ST6GALNAC3: variants seen among roughly 807,000 people sequenced by gnomAD.
ST6GALNAC3 encodes the protein alpha-N-acetylgalactosaminide alpha-2,6-sialyltransferase 3.
Under a neutral mutation model 32.7 loss-of-function variants are expected in ST6GALNAC3, and 25 were observed. The observed-to-expected ratio is 0.76, with a 90% CI of 0.56 to 1.07. ST6GALNAC3 has a LOEUF of 1.07. Among genes scored for constraint, ST6GALNAC3 ranks in the 50% least tolerant of loss-of-function variants. The pLI is 0.00. For missense variants in ST6GALNAC3, 355 were observed against 382.4 expected (o/e 0.93, Z 0.60); for synonymous variants, 129 against 133.1 (o/e 0.97, Z 0.21).
At chr1:76,604,330 A>G (rs552563791) in intron 3 of ST6GALNAC3, among the ~76,000 whole-genome samples, 2 of 152,220 alleles carry the variant, frequency 1.3e-5, no homozygotes, top group African/African-American at 4.8e-5. Context: ...GAAATTCGTA[A>G]GTAAGCACCT....
chr1:76,136,364 T>A (rs1418869095), intron 1 of ST6GALNAC3, among the ~76,000 whole-genome samples: 1 of 152,222 alleles, frequency 6.6e-6, no homozygotes, highest in African/African-American at 2.4e-5. Context: ...GAACTGCTAA[T>A]GTGTGAGGGT....
At chr1:76,328,697 A>G (rs982000340) in intron 2 of ST6GALNAC3, among the ~76,000 whole-genome samples, 8 of 152,172 alleles carry the variant, frequency 5.3e-5, no homozygotes, top group African/African-American at 1.9e-4. Context: ...CAAATTAAAG[A>G]ACTAGGGGAT....
intron 2 of ST6GALNAC3, among the ~76,000 whole-genome samples, chr1:76,366,288 TGACA>T (rs1264279079): frequency 6.6e-6 from 1 of 152,170 alleles, no homozygotes; most frequent in East Asian, 1.9e-4. Context: ...AAACCTGATC[TGACA>T]GACTCCTGCA....
chr1:76,614,468 C>A (rs1007598153), intron 3 of ST6GALNAC3, among the ~76,000 whole-genome samples: 1 of 151,982 alleles, frequency 6.6e-6, no homozygotes, highest in Non-Finnish European at 1.5e-5. Flanking sequence ...GCCTGTAATC[C>A]CAGCACTTTG....
chr1:76,216,905 A>C (rs1655497259), intron 1 of ST6GALNAC3, among the ~76,000 whole-genome samples: 3 of 152,212 alleles, frequency 2.0e-5, no homozygotes, highest in Admixed American at 2.0e-4. Context: ...TACATAAATT[A>C]CAAATCTTGT....
At chr1:76,531,482 C>T (rs966104160) in intron 3 of ST6GALNAC3, among the ~76,000 whole-genome samples, 2 of 152,066 alleles carry the variant, frequency 1.3e-5, no homozygotes, top group African/African-American at 4.8e-5. Flanking sequence ...GATTGGACTG[C>T]CTGGTTGTAT....
At chr1:76,345,497 A>C (rs180750550) in intron 2 of ST6GALNAC3, among the ~76,000 whole-genome samples, 101 of 152,216 alleles carry the variant, frequency 6.6e-4, no homozygotes, top group African/African-American at 2.4e-3. Context: ...TACCCACTGA[A>C]AAGATGTTCA....
intron 3 of ST6GALNAC3, among the ~76,000 whole-genome samples, chr1:76,520,723 C>T (rs1662476124): frequency 6.6e-6 from 1 of 152,004 alleles, no homozygotes. Flanking sequence ...TGGACGGACA[C>T]CTTATCACTG....
At chr1:76,532,357 A>C (rs1489102633) in intron 3 of ST6GALNAC3, among the ~76,000 whole-genome samples, 3 of 152,166 alleles carry the variant, frequency 2.0e-5, no homozygotes, top group Admixed American at 2.0e-4. Flanking sequence ...TGAAACATGC[A>C]TTTACAAATG....
intron 1 of ST6GALNAC3, among the ~76,000 whole-genome samples, chr1:76,264,619 TAGG>T (rs958920722): frequency 6.6e-6 from 1 of 152,164 alleles, no homozygotes; most frequent in African/African-American, 2.4e-5. Flanking sequence ...AGTAGCTCAG[TAGG>T]AGGAGGGAAG....
chr1:76,521,608 T>C (rs965145842), intron 3 of ST6GALNAC3, among the ~76,000 whole-genome samples: 1 of 152,210 alleles, frequency 6.6e-6, no homozygotes, highest in African/African-American at 2.4e-5. Flanking sequence ...TGATTGATTA[T>C]GTTATTTATG....
intron 1 of ST6GALNAC3, among the ~76,000 whole-genome samples, chr1:76,117,935 T>TTATAGTAAATA (rs1474116111): frequency 6.6e-6 from 1 of 152,214 alleles, no homozygotes; most frequent in Non-Finnish European, 1.5e-5. Flanking sequence ...GTGGGACTAT[T>TTATAGTAAATA]ATGATTTAGT....
intron 3 of ST6GALNAC3, among the ~76,000 whole-genome samples, chr1:76,448,364 A>G (rs932039939): frequency 6.6e-6 from 1 of 152,172 alleles, no homozygotes; most frequent in Non-Finnish European, 1.5e-5. Context: ...GGCAGAAGGG[A>G]CTTGTCTTGT....
chr1:76,540,535 T>C (rs1215589808), intron 3 of ST6GALNAC3, among the ~76,000 whole-genome samples: 7 of 152,166 alleles, frequency 4.6e-5, no homozygotes, highest in Non-Finnish European at 1.0e-4. Flanking sequence ...AATTTAATTT[T>C]GGGGAGTACC....
At chr1:76,271,160 A>G (rs1658823082) in intron 1 of ST6GALNAC3, among the ~76,000 whole-genome samples, 1 of 152,138 alleles carries the variant, frequency 6.6e-6, no homozygotes, top group African/African-American at 2.4e-5. Flanking sequence ...TGTCTTTGTG[A>G]GCTGCCTTTA....
At chr1:76,162,381 G>A (rs945470025) in intron 1 of ST6GALNAC3, among the ~76,000 whole-genome samples, 1 of 152,174 alleles carries the variant, frequency 6.6e-6, no homozygotes, top group African/African-American at 2.4e-5. Flanking sequence ...CTGCCTTTAT[G>A]CTTTTGTTTA....
At chr1:76,400,171 A>G (rs1653294890) in intron 2 of ST6GALNAC3, among the ~76,000 whole-genome samples, 2 of 152,176 alleles carry the variant, frequency 1.3e-5, no homozygotes, top group Admixed American at 6.5e-5. Context: ...TTTGTTTAGT[A>G]AAAACATTTT....
At chr1:76,526,877 T>C (rs1030966789) in intron 3 of ST6GALNAC3, among the ~76,000 whole-genome samples, 2 of 152,110 alleles carry the variant, frequency 1.3e-5, no homozygotes, top group Non-Finnish European at 2.9e-5. Context: ...ATAGACATGA[T>C]AACAAAAAAA....
At chr1:76,486,788 T>C (rs1205113750) in intron 3 of ST6GALNAC3, among the ~76,000 whole-genome samples, 1 of 152,214 alleles carries the variant, frequency 6.6e-6, no homozygotes, top group African/African-American at 2.4e-5. Context: ...CTGGTTATTT[T>C]GCTCGTTAGT....
Sources: gnomAD v4.1 joint callset for allele counts (sites outside exome capture counted in the v4.1 genomes callset) on GRCh38, gnomAD v4.1.1 for gene constraint, MANE v1.5 for transcripts, NCBI Gene and HGNC (gene_info 2026-07-23, HGNC 2026-07-21) for gene names.